FBXW12: variants seen among roughly 807,000 people sequenced by gnomAD.
FBXW12 encodes the protein F-box and WD repeat domain containing 12, also known as F-box/WD repeat-containing protein 12.
A neutral mutation model predicts 55.3 loss-of-function variants in FBXW12; 43 were observed. That is an observed-to-expected ratio of 0.78 (90% CI 0.61 to 1.00). The LOEUF is 1.00. FBXW12 is among the 50% of genes least tolerant of loss of function. FBXW12 has a pLI of 0.00. For synonymous variants in FBXW12, 184 were observed against 203.8 expected (o/e 0.90, Z 0.83); for missense variants, 524 against 560.5 (o/e 0.93, Z 0.66).
In FBXW12 at chr3:48,381,885, A is replaced by G. The variant is rs1456010533; in HGVS notation, c.1164+7A>G. On this transcript the variant is annotated splice_region_variant and intron_variant, in intron 9 of 10. Coordinates refer to ENST00000296438, the MANE Select transcript of FBXW12 (RefSeq NM_207102.2). The stretch of plus-strand genomic sequence containing the variant: ...CATCAACAACTTCTGGGTGGTATGT[A>G]TGATTCTCCTCCACTGCTTTTTGAT... The G allele has an allele frequency of 4.3e-6, 7 of 1,610,188 alleles. No homozygotes were observed. The East Asian group carries it at 1.3e-4, about 31-fold the overall frequency.
chr3:48,394,604 G>T lies in FBXW12; in HGVS notation c.1340G>T (p.Arg447Met). ...VMCDNASIVL[R>M]VRKVSDSSIL... is the part of the protein sequence containing the mutation. ...TGTGATAATGCAAGCATAGTACTTA[G>T]GGTGAGGAAAGTAAGTGACTCCAGC... The change falls in exon 11 of 11, where the codon AGG becomes ATG. Residue 447 changes from arginine to methionine, a missense_variant. Coordinates refer to ENST00000296438, the MANE Select transcript of FBXW12 (RefSeq NM_207102.2). 6.2e-7 allele frequency: 1 copy of T among 1,609,076 alleles called. No homozygotes were observed. Among genetic ancestry groups the T allele is most frequent in the Non-Finnish European group, 8.5e-7 (1 of 1,177,836 alleles).
At position 48,375,428 on chromosome 3, in the gene FBXW12, A is replaced by G; in HGVS notation, c.361A>G (p.Ser121Gly). 6.2e-7 allele frequency: 1 copy of G among 1,612,534 alleles called. No homozygotes were observed. Among genetic ancestry groups the G allele is most frequent in the South Asian group, 1.1e-5 (1 of 90,576 alleles). The change falls in exon 5 of 11, where the codon AGT becomes GGT. Residue 121 changes from serine to glycine, a missense_variant. Coordinates refer to ENST00000296438, the MANE Select transcript of FBXW12 (RefSeq NM_207102.2). ...TGAACAGGAGAAATCAATCATTTGTAGTGTATCTCCAAAGCAAGAGCTTTG... is the reference window on the plus strand; with the variant it reads ...TGAACAGGAGAAATCAATCATTTGTGGTGTATCTCCAAAGCAAGAGCTTTG... ...VDEQEKSIIC[S>G]VSPKQELCAW...
intron 10 of FBXW12, among the ~76,000 whole-genome samples, chr3:48,384,586 C>G (rs12487542): frequency 0.4 from 60,769 of 151,986 alleles, 12,247 homozygotes; most frequent in Non-Finnish European, 0.46. Flanking sequence ...CGACATCCTT[C>G]CATTGGATGA....
intron 10 of FBXW12, among the ~76,000 whole-genome samples, chr3:48,382,366 T>C (rs1483397636): frequency 6.6e-6 from 1 of 152,090 alleles, no homozygotes; most frequent in Non-Finnish European, 1.5e-5. Flanking sequence ...CCGCCCGCCT[T>C]GGCCTCCCAA....
At position 48,375,449 on chromosome 3, in the gene FBXW12, C is replaced by T. The variant is rs1171633836; in HGVS notation, c.382C>T (p.Leu128Phe). ...IICSVSPKQE[L>F]CAWDVQEGTM... ...TTGTAGTGTATCTCCAAAGCAAGAG[C>T]TTTGTGCCTGGGATGTGCAAGAGGT... Residue 128 changes from leucine to phenylalanine, a missense_variant, in exon 5 of 11, where the codon CTT (leucine) becomes TTT (phenylalanine). By Grantham distance (22) the Leu-to-Phe change is conservative. Coordinates refer to ENST00000296438, the MANE Select transcript of FBXW12 (RefSeq NM_207102.2). 1 of 1,608,590 alleles carries T rather than the reference C, an allele frequency of 6.2e-7. No homozygotes were observed. The highest frequency in any genetic ancestry group is 1.7e-5 in the Admixed American group (1 of 58,964).
intron 10 of FBXW12, among the ~76,000 whole-genome samples, chr3:48,382,723 C>T (rs1463751090): frequency 6.6e-6 from 1 of 152,098 alleles, no homozygotes; most frequent in Non-Finnish European, 1.5e-5. Context: ...GATTTTTGCC[C>T]CTGGTTTGCT....
At position 48,394,471 on chromosome 3, in the gene FBXW12, A is replaced by G. The variant is rs138388389; in HGVS notation, c.1296-89A>G. 3 of 756,186 alleles carry G rather than the reference A, an allele frequency of 4.0e-6. No homozygotes were observed. The African/African-American group carries it at 5.4e-5, about 14-fold the overall frequency. The allele number at this position is 756,186 out of a possible 1,614,324, so 46.8% of individuals were successfully genotyped here. On this transcript the variant is annotated intron_variant, in intron 10 of 10. Coordinates refer to ENST00000296438, the MANE Select transcript of FBXW12 (RefSeq NM_207102.2). ...GGACCAATTAATTTGGAAAGTATTGATATCTTAGTCAAGTTCTAAGTCAGT... is the reference window on the plus strand; with the variant it reads ...GGACCAATTAATTTGGAAAGTATTGGTATCTTAGTCAAGTTCTAAGTCAGT...
At chr3:48,393,530 T>C (rs562651870) in intron 10 of FBXW12, among the ~76,000 whole-genome samples, 1 of 152,268 alleles carries the variant, frequency 6.6e-6, no homozygotes, top group South Asian at 2.1e-4. Context: ...GCTCCCACCA[T>C]TTCCTCATCA....
At chr3:48,378,613 C>CAT in intron 6 of FBXW12, 87 bp downstream of exon 6, 20 of 587,040 alleles carry the variant, frequency 3.4e-5, no homozygotes, top group Non-Finnish European at 4.3e-5. Context: ...TGTCCTATCC[C>CAT]TTTTTTTTTT....
At chr3:48,392,743 G>T (rs546673146) in intron 10 of FBXW12, among the ~76,000 whole-genome samples, 1 of 152,282 alleles carries the variant, frequency 6.6e-6, no homozygotes, top group African/African-American at 2.4e-5. Context: ...TGATGTCTGA[G>T]AAATCCATTG....
chr3:48,375,543 G>C (rs1240877328), intron 5 of FBXW12, 71 bp downstream of exon 5: 1 of 865,564 alleles, frequency 1.2e-6, no homozygotes, highest in East Asian at 2.8e-5. Context: ...TGAAACGGAA[G>C]TGCTGAGAGG....
At chr3:48,394,239 C>T (rs1376147185) in intron 10 of FBXW12, among the ~76,000 whole-genome samples, 1 of 151,996 alleles carries the variant, frequency 6.6e-6, no homozygotes, top group African/African-American at 2.4e-5. Context: ...CACAGCGAGG[C>T]CCTGTCTCAG....
At position 48,380,980 on chromosome 3, in the gene FBXW12, A is replaced by G. The variant is rs2036759405; in HGVS notation, c.985+68A>G. On this transcript the variant is annotated intron_variant, in intron 8 of 10. Transcript: ENST00000296438. Reference sequence around the variant, plus strand: ...CACACAGTCATTCGTGTTTAGCTCTAATAAATGGGTCAGCCTGTATAAAGT... The same window carrying G: ...CACACAGTCATTCGTGTTTAGCTCTGATAAATGGGTCAGCCTGTATAAAGT... 3.0e-6 allele frequency: 4 copies of G among 1,341,480 alleles called. No homozygotes were observed. In the South Asian group the frequency reaches 3.6e-5, roughly 12 times the overall value. 83.1% of individuals were successfully genotyped at this position (1,341,480 alleles called of 1,614,324 possible).
chr3:48,380,841 CT>C lies in FBXW12; in HGVS notation c.915del (p.Gly306GlufsTer11). The C allele has an allele frequency of 6.2e-7, 1 of 1,614,050 alleles. No individual in the cohort carries two copies. ...ATAACACTGATGTCCCAAAGTAGCA[CT>C]GGAAAAAAGACAGAATTTATCACCT... Reference protein sequence around the residue: ...NRITLMSQSSTGKKTEFITFD... With the variant: ...NRITLMSQSSXGKKTEFITFD... On this transcript the variant is annotated frameshift_variant, in exon 8 of 11. Transcript: ENST00000296438. LOFTEE classifies it high-confidence loss of function.
chr3:48,389,248 GTTGT>G (rs1560034611), intron 10 of FBXW12, among the ~76,000 whole-genome samples: 1 of 152,122 alleles, frequency 6.6e-6, no homozygotes, highest in Non-Finnish European at 1.5e-5. Context: ...TTTTACTTGA[GTTGT>G]TTAAGTTCCT....
intron 10 of FBXW12, among the ~76,000 whole-genome samples, chr3:48,390,865 A>G (rs1575364528): frequency 6.6e-6 from 1 of 152,120 alleles, no homozygotes; most frequent in Non-Finnish European, 1.5e-5. Flanking sequence ...TTATCAGTAT[A>G]TGGAAATGCC....
intron 2 of FBXW12, among the ~76,000 whole-genome samples, chr3:48,373,088 T>C (rs2036627346): frequency 6.6e-6 from 1 of 152,206 alleles, no homozygotes; most frequent in African/African-American, 2.4e-5. Flanking sequence ...TCAACACTTC[T>C]TCCTGTGAAT....
intron 5 of FBXW12, 152 bp from the exon 6 acceptor site, chr3:48,378,165 C>CA: frequency 1.6e-6 from 1 of 634,916 alleles, no homozygotes; most frequent in South Asian, 2.0e-5. Context: ...TTCACTCCTC[C>CA]AAAATATTGA....
intron 5 of FBXW12, among the ~76,000 whole-genome samples, chr3:48,375,777 C>T (rs1425523765): frequency 6.6e-6 from 1 of 151,920 alleles, no homozygotes; most frequent in African/African-American, 2.4e-5. Context: ...AGGGTTCACG[C>T]CATTCTCCTG....
Sources: gnomAD v4.1 joint callset for allele counts (sites outside exome capture counted in the v4.1 genomes callset) on GRCh38, gnomAD v4.1.1 for gene constraint, MANE v1.5 for transcripts, NCBI Gene and HGNC (gene_info 2026-07-23, HGNC 2026-07-21) for gene names.